VTA1: variants seen among roughly 807,000 people sequenced by gnomAD.
VTA1 encodes the protein vesicle trafficking 1.
A neutral mutation model predicts 36.9 loss-of-function variants in VTA1; 24 were observed. That is an observed-to-expected ratio of 0.65 (90% CI 0.47 to 0.91). The LOEUF is 0.91. Among genes scored for constraint, VTA1 ranks in the 40% least tolerant of loss-of-function variants. The pLI is 0.00. For missense variants in VTA1, 393 were observed against 377.2 expected, an observed-to-expected ratio of 1.04 and a Z score of -0.35; for synonymous variants, 142 against 130.2, an observed-to-expected ratio of 1.09 and a Z score of -0.62.
chr6:142,194,873 G>T (rs1035327175), intron 5 of VTA1, among the ~76,000 whole-genome samples: 1 of 151,960 alleles, frequency 6.6e-6, no homozygotes, highest in Non-Finnish European at 1.5e-5. Flanking sequence ...GTTGAATTTT[G>T]TCAAGTGCTT....
chr6:142,179,726 A>G (rs2114654955), intron 4 of VTA1, among the ~76,000 whole-genome samples: 1 of 152,324 alleles, frequency 6.6e-6, no homozygotes, highest in East Asian at 1.9e-4. Context: ...GTTTGTCACA[A>G]TATTAAATTG....
At chr6:142,193,201 G>T (rs1383179406) in intron 5 of VTA1, among the ~76,000 whole-genome samples, 2 of 151,926 alleles carry the variant, frequency 1.3e-5, no homozygotes, top group Non-Finnish European at 2.9e-5. Context: ...GTCTGATATT[G>T]CCTCATAATT....
chr6:142,172,045 T>G (rs1266936512), intron 4 of VTA1, among the ~76,000 whole-genome samples: 2 of 152,172 alleles, frequency 1.3e-5, no homozygotes, highest in African/African-American at 4.8e-5. Flanking sequence ...AGTCTCTCGC[T>G]CTGTCACCAG....
chr6:142,173,025 G>T (rs1775057071), intron 4 of VTA1, among the ~76,000 whole-genome samples: 1 of 151,988 alleles, frequency 6.6e-6, no homozygotes, highest in African/African-American at 2.4e-5. Flanking sequence ...TAGTTGAGAG[G>T]TGGAAAACTG....
intron 7 of VTA1, among the ~76,000 whole-genome samples, chr6:142,213,941 C>G (rs755944216): frequency 3.9e-5 from 6 of 152,220 alleles, no homozygotes; most frequent in Non-Finnish European, 7.3e-5. Context: ...GAACATTCAA[C>G]TCCTCTTTAC....
intron 1 of VTA1, among the ~76,000 whole-genome samples, chr6:142,161,073 T>TCCC: frequency 7.4e-6 from 1 of 134,622 alleles, no homozygotes; most frequent in East Asian, 2.8e-4. Flanking sequence ...TCATGCTTCC[T>TCCC]TCCTTCCCCC....
intron 4 of VTA1, among the ~76,000 whole-genome samples, chr6:142,181,094 A>AAAAATATATATATATATATATAT (rs1471429927): frequency 2.6e-3 from 95 of 36,314 alleles, no homozygotes; most frequent in Non-Finnish European, 4.7e-3. Flanking sequence ...AAAAAAAAAA[A>AAAAATATATATATATATATATAT]ATATATATAT....
rs532810468 is a variant in VTA1, at chr6:142,184,266, T to G, written c.412-5160T>G. On this transcript the variant is annotated intron_variant, in intron 4 of 7. Coordinates refer to ENST00000367630, the MANE Select transcript of VTA1 (RefSeq NM_016485.5). ...GCGTGGTAATTGTAGTTTACCAAGA[T>G]AGACCTGAATGAGTGGCTAACTTTA... Among the ~76,000 whole-genome samples, 3 of 152,334 alleles carry G rather than the reference T, an allele frequency of 2.0e-5. 1 individual carries two copies. The South Asian group carries it at 6.2e-4, about 32-fold the overall frequency.
chr6:142,204,605 C>T (rs963894357), intron 7 of VTA1, among the ~76,000 whole-genome samples: 5 of 151,944 alleles, frequency 3.3e-5, no homozygotes, highest in East Asian at 3.8e-4. Flanking sequence ...TTTGGTCTTT[C>T]TCATTCAGAC....
At chr6:142,155,856 A>T (rs545599634) in intron 1 of VTA1, among the ~76,000 whole-genome samples, 4 of 152,082 alleles carry the variant, frequency 2.6e-5, no homozygotes, top group Admixed American at 6.5e-5. Flanking sequence ...GCCTTGGTGT[A>T]GCTTTACCGT....
chr6:142,179,034 CA>C (rs1443704694), intron 4 of VTA1, among the ~76,000 whole-genome samples: 1 of 151,874 alleles, frequency 6.6e-6, no homozygotes, highest in Non-Finnish European at 1.5e-5. Context: ...ATCAAGAAGA[CA>C]ATACAGTTAC....
rs1305035044 is a variant in VTA1 at position 142,182,365 on chromosome 6, A to G, written c.412-7061A>G. On this transcript the variant is annotated intron_variant, in intron 4 of 7. Transcript: ENST00000367630. The stretch of plus-strand genomic sequence containing the variant: ...ATGAGGGTGGTGGGGGGAGGATTCA[A>G]ACAGAGAATTTATAAAATTTGACTT... Among the ~76,000 whole-genome samples the G allele has an allele frequency of 2.6e-5, 4 of 152,278 alleles. No homozygotes were observed. The East Asian group carries it at 7.7e-4, about 29-fold the overall frequency.
In VTA1 at chr6:142,204,042, C is replaced by T. The variant is rs1481338707; in HGVS notation, c.755C>T (p.Ala252Val). Reference protein sequence around the residue: ...TPQTIPAIDPALFNTISQGDV... With the variant: ...TPQTIPAIDPVLFNTISQGDV... ...CAGACTATACCTGCCATTGATCCCGCACTTTTCAATACAATTTCCCAGGGT... is the reference window on the plus strand; with the variant it reads ...CAGACTATACCTGCCATTGATCCCGTACTTTTCAATACAATTTCCCAGGGT... Residue 252 changes from alanine to valine, a missense_variant, in exon 7 of 8, where the codon GCA becomes GTA. By Grantham distance (64) the Ala-to-Val change is moderately conservative. Coordinates refer to ENST00000367630, the MANE Select transcript of VTA1 (RefSeq NM_016485.5). The T allele has an allele frequency of 5.0e-6, 8 of 1,613,584 alleles. No homozygotes were observed. Among genetic ancestry groups the T allele is most frequent in the Admixed American group, 3.3e-5 (2 of 60,024 alleles).
At chr6:142,201,569 CAGG>C (rs1427959769) in intron 6 of VTA1, among the ~76,000 whole-genome samples, 5 of 151,936 alleles carry the variant, frequency 3.3e-5, no homozygotes, top group Admixed American at 6.6e-5. Flanking sequence ...GTTCATATTA[CAGG>C]AGAAGATTTT....
At chr6:142,175,556 A>G (rs1245572278) in intron 4 of VTA1, among the ~76,000 whole-genome samples, 2 of 151,870 alleles carry the variant, frequency 1.3e-5, no homozygotes, top group Non-Finnish European at 2.9e-5. Context: ...ATTTTTGTGT[A>G]TTGTATTTTT....
chr6:142,190,794 C>A (rs1382191840), intron 5 of VTA1, among the ~76,000 whole-genome samples: 1 of 152,138 alleles, frequency 6.6e-6, no homozygotes, highest in South Asian at 2.1e-4. Context: ...GTCTTTGTTG[C>A]AGCTGTTTAG....
At chr6:142,152,609 T>C (rs1778588939) in intron 1 of VTA1, among the ~76,000 whole-genome samples, 1 of 152,200 alleles carries the variant, frequency 6.6e-6, no homozygotes, top group Non-Finnish European at 1.5e-5. Flanking sequence ...AAGTACTTTT[T>C]GTATTTTAAA....
chr6:142,148,476 A>G (rs1458369584), intron 1 of VTA1, among the ~76,000 whole-genome samples: 3 of 152,098 alleles, frequency 2.0e-5, no homozygotes, highest in African/African-American at 4.8e-5. Flanking sequence ...TTACAGCATC[A>G]TTTTTATTAT....
chr6:142,210,775 A>C (rs1775888521), intron 7 of VTA1, among the ~76,000 whole-genome samples: 1 of 152,198 alleles, frequency 6.6e-6, no homozygotes, highest in Non-Finnish European at 1.5e-5. Flanking sequence ...AATAACTAAA[A>C]ATAGAAGTAC....
Sources: allele counts gnomAD v4.1 joint callset (sites outside exome capture counted in the v4.1 genomes callset), GRCh38; gene constraint gnomAD v4.1.1; transcripts MANE v1.5; gene names NCBI Gene and HGNC (gene_info 2026-07-23, HGNC 2026-07-21).